PIWIL1: variants seen among roughly 807,000 people sequenced by gnomAD.
PIWIL1 encodes piwi-like protein 1.
A neutral mutation model predicts 114.4 loss-of-function variants in PIWIL1; 73 were observed. That is an observed-to-expected ratio of 0.64 (90% CI 0.53 to 0.78). PIWIL1 has a LOEUF of 0.78. Among genes scored for constraint, PIWIL1 ranks in the 30% least tolerant of loss-of-function variants. The pLI, the probability that PIWIL1 is intolerant of heterozygous loss-of-function variation, is 0.00. For missense variants in PIWIL1, 723 were observed against 1,063.1 expected, an observed-to-expected ratio of 0.68 and a Z score of 4.45; for synonymous variants, 375 against 369.0, an observed-to-expected ratio of 1.02 and a Z score of -0.19.
Position 130,354,985 on chromosome 12 carries a change from A to C in PIWIL1, c.1269A>C (p.Arg423=), listed in dbSNP as rs2073324813. 1 of 1,606,564 alleles carries C rather than the reference A, an allele frequency of 6.2e-7. No homozygotes were observed. The highest frequency in any genetic ancestry group is 1.3e-5 in the African/African-American group (1 of 74,900). ...AGCAAAGGCAGCGTGAAGTGGGACG[A>C]CTCATTGATTACATTCATAAGTAAG... The part of the protein sequence containing the change: ...TPEQRQREVG[R]LIDYIHKNDN... The change falls in exon 11 of 21, where the codon CGA becomes CGC. Residue 423 remains arginine, a synonymous_variant. Transcript: ENST00000245255.
At chr12:130,341,041 A>C (rs1229891858) in intron 1 of PIWIL1, among the ~76,000 whole-genome samples, 1 of 152,254 alleles carries the variant, frequency 6.6e-6, no homozygotes, top group East Asian at 1.9e-4. Flanking sequence ...CAAGAATTTT[A>C]GAAGCTGTTA....
the PIWIL1 span, among the ~76,000 whole-genome samples, chr12:130,415,807 G>A: frequency 2.0e-5 from 3 of 152,088 alleles, no homozygotes; most frequent in African/African-American, 7.2e-5. Context: ...AGAAAACCCT[G>A]AAGACTCTGC....
At chr12:130,366,870 G>A (rs1375809717) in intron 18 of PIWIL1, among the ~76,000 whole-genome samples, 1 of 152,178 alleles carries the variant, frequency 6.6e-6, no homozygotes, top group Non-Finnish European at 1.5e-5. Flanking sequence ...TGATTGGTAT[G>A]TAATGTGTTT....
chr12:130,385,926 C>T, the PIWIL1 span, among the ~76,000 whole-genome samples: 1 of 152,164 alleles, frequency 6.6e-6, no homozygotes, highest in African/African-American at 2.4e-5. Context: ...GCAAATCTGG[C>T]CTTAAAAACA....
In PIWIL1 at chr12:130,367,096, C is replaced by T. The variant is rs773983995; in HGVS notation, c.2196-37C>T. The T allele has an allele frequency of 2.5e-6, 4 of 1,608,478 alleles. No individual in the cohort carries two copies. The African/African-American group carries it at 5.3e-5, about 22-fold the overall frequency. Reference sequence around the variant, plus strand: ...ATGAATGAGTGCCCTGAAAATATGACTGGCTAAATGCAGTTACATTCATCA... The same window carrying T: ...ATGAATGAGTGCCCTGAAAATATGATTGGCTAAATGCAGTTACATTCATCA... On this transcript the variant is annotated intron_variant, in intron 18 of 20. Coordinates refer to ENST00000245255, the MANE Select transcript of PIWIL1 (RefSeq NM_004764.5).
the PIWIL1 span, among the ~76,000 whole-genome samples, chr12:130,377,745 G>T: frequency 1.3e-5 from 2 of 152,226 alleles, no homozygotes; most frequent in Non-Finnish European, 2.9e-5. Context: ...TGGCCCTGTG[G>T]CCTCAGCTGT....
At chr12:130,349,789 G>C in intron 8 of PIWIL1, 67 bp from the exon 9 acceptor site, 2 of 908,472 alleles carry the variant, frequency 2.2e-6, no homozygotes, top group South Asian at 1.6e-5. Context: ...ATGCTGTCTA[G>C]TCTCTCTTTT....
the PIWIL1 span, among the ~76,000 whole-genome samples, chr12:130,388,323 A>G: frequency 6.6e-6 from 1 of 152,006 alleles, no homozygotes; most frequent in African/African-American, 2.4e-5. Context: ...CTCACACATC[A>G]CAGCCCCATA....
intron 9 of PIWIL1, among the ~76,000 whole-genome samples, chr12:130,352,263 TAGA>T (rs1313176778): frequency 6.6e-6 from 1 of 152,132 alleles, no homozygotes; most frequent in Non-Finnish European, 1.5e-5. Flanking sequence ...GGAAACAGAG[TAGA>T]AGAAGGAAGG....
At chr12:130,417,359 T>C in the PIWIL1 span, among the ~76,000 whole-genome samples, 2 of 152,102 alleles carry the variant, frequency 1.3e-5, no homozygotes, top group African/African-American at 2.4e-5. Context: ...CAACAGTGGA[T>C]TGAATAAAGA....
intron 14 of PIWIL1, 38 bp downstream of exon 14, chr12:130,357,591 A>G: frequency 7.1e-7 from 1 of 1,402,358 alleles, no homozygotes; most frequent in Non-Finnish European, 1.0e-6. Flanking sequence ...TTTTCGGTGA[A>G]AGAGCTTTTT....
At chr12:130,412,592 G>A in the PIWIL1 span, 1 of 1,604,592 alleles carries the variant, frequency 6.2e-7, no homozygotes, top group Non-Finnish European at 8.5e-7. Context: ...AATGCACAGG[G>A]AAGGTCGAAT....
At chr12:130,355,810 T>C in intron 12 of PIWIL1, 143 bp downstream of exon 12, 3 of 655,316 alleles carry the variant, frequency 4.6e-6, no homozygotes, top group Non-Finnish European at 5.5e-6. Flanking sequence ...CAAGTGAGGC[T>C]TGGGTCAGAT....
the PIWIL1 span, among the ~76,000 whole-genome samples, chr12:130,402,628 C>CATT: frequency 6.6e-6 from 1 of 152,236 alleles, no homozygotes; most frequent in African/African-American, 2.4e-5. Context: ...TCCTACGCCT[C>CATT]ATTTCCCACC....
chr12:130,351,634 G>T (rs1368980400), intron 9 of PIWIL1: 1 of 152,158 alleles, frequency 6.6e-6, no homozygotes, highest in East Asian at 1.9e-4. Context: ...GCCTAAGTAG[G>T]TTCTTGGGTA....
chr12:130,406,408 C>A, the PIWIL1 span, among the ~76,000 whole-genome samples: 8 of 152,296 alleles, frequency 5.3e-5, no homozygotes, highest in East Asian at 7.7e-4. Flanking sequence ...TGTCCACAGT[C>A]TTCTAGAAAG....
chr12:130,405,159 C>T, the PIWIL1 span, among the ~76,000 whole-genome samples: 268 of 152,152 alleles, frequency 1.8e-3, no homozygotes, highest in African/African-American at 5.9e-3. Context: ...CGCATGCAAA[C>T]GTGAAATTCA....
At chr12:130,399,645 A>G in the PIWIL1 span, 2 of 1,612,380 alleles carry the variant, frequency 1.2e-6, no homozygotes, top group Admixed American at 1.7e-5. Context: ...GCAGAACGGG[A>G]CAGAGATTAA....
Position 130,343,066 on chromosome 12 carries a change from A to G in PIWIL1, c.155A>G (p.Gln52Arg). The G allele has an allele frequency of 6.2e-7, 1 of 1,613,948 alleles. No individual in the cohort carries two copies. Among genetic ancestry groups the G allele is most frequent in the Non-Finnish European group, 8.5e-7 (1 of 1,179,880 alleles). ...AEGELFGRGRQRGTAGGTAKS... is the reference protein window; with the variant it reads ...AEGELFGRGRRRGTAGGTAKS... ...GGGGAATTATTTGGCCGTGGACGGC[A>G]GAGAGGAACAGCAGGAGGAACAGCC... Residue 52 changes from glutamine (Q) to arginine (R), a missense_variant, in exon 3 of 21, where the codon CAG becomes CGG. Gln to Arg is a conservative substitution (Grantham distance 43). Around this residue, in one of 8 missense-constraint regions of PIWIL1, gnomAD observed 91 missense variants for 76.2 expected, o/e 1.19. Transcript: ENST00000245255.
Sources: allele counts gnomAD v4.1 joint callset (sites outside exome capture counted in the v4.1 genomes callset), GRCh38; gene constraint gnomAD v4.1.1; regional missense constraint gnomAD v4.1.1; transcripts MANE v1.5; gene names NCBI Gene and HGNC (gene_info 2026-07-23, HGNC 2026-07-21).